The following PLCB4 variants were observed in gnomAD, a reference collection of about 807,000 sequenced individuals.
The protein encoded by PLCB4 is phospholipase C beta 4.
PLCB4 carries 77 observed loss-of-function variants against 178.8 expected under a neutral mutation model. The ratio of observed to expected loss-of-function variants is 0.43; its 90% CI spans 0.36 to 0.52. The LOEUF (loss-of-function observed/expected upper bound fraction) is 0.52, where lower values mean the gene tolerates loss of function less well. Among genes scored for constraint, PLCB4 ranks in the 20% least tolerant of loss-of-function variants. The pLI is 0.00. For synonymous variants in PLCB4, 496 were observed against 490.8 expected (o/e 1.01, Z -0.14); for missense variants, 1,024 against 1,453.4 (o/e 0.70, Z 4.80).
At chr20:9,306,981 C>G (rs1289785500) in intron 3 of PLCB4, among the ~76,000 whole-genome samples, 2 of 152,114 alleles carry the variant, frequency 1.3e-5, no homozygotes, top group Non-Finnish European at 2.9e-5. Flanking sequence ...GCGAGTAAGA[C>G]AGGGTTTCAT....
chr20:9,467,672 ATCT>A (rs1209591380), intron 35 of PLCB4, among the ~76,000 whole-genome samples: 1 of 152,122 alleles, frequency 6.6e-6, no homozygotes, highest in African/African-American at 2.4e-5. Context: ...TCTGAGAGTG[ATCT>A]TCTTGTGTCC....
At chr20:9,381,414 C>T (rs13044334) in intron 13 of PLCB4, among the ~76,000 whole-genome samples, 9,469 of 152,086 alleles carry the variant, frequency 0.062, 336 homozygotes, top group African/African-American at 0.079. Context: ...GAGGGCTGAC[C>T]GGGTGCCAAG....
chr20:9,266,311 G>T (rs954615576), intron 3 of PLCB4, among the ~76,000 whole-genome samples: 2 of 152,168 alleles, frequency 1.3e-5, no homozygotes, highest in Non-Finnish European at 2.9e-5. Context: ...TGTTTAACAA[G>T]CTCGCTTGGT....
chr20:9,179,039 T>C lies in PLCB4; in HGVS notation c.-78-38351T>C, dbSNP rs542242020. ...ACCCTTTTGAACTTATGATAAAAAA[T>C]GAAGATAACTTAAAATTGACTTTTG... On this transcript the variant is annotated intron_variant, in intron 2 of 39. Transcript: ENST00000378473. 5.9e-5 allele frequency among the ~76,000 whole-genome samples: 9 copies of C among 152,308 alleles called. No homozygotes were observed. In the East Asian group the frequency reaches 1.7e-3, roughly 29 times the overall value.
chr20:9,456,664 A>G (rs906504939), intron 33 of PLCB4, among the ~76,000 whole-genome samples: 2 of 152,202 alleles, frequency 1.3e-5, no homozygotes, highest in Non-Finnish European at 1.5e-5. Context: ...AGAAGAGAGA[A>G]GAAACTTGCT....
At chr20:9,175,085 T>C (rs190625540) in intron 2 of PLCB4, among the ~76,000 whole-genome samples, 73 of 152,322 alleles carry the variant, frequency 4.8e-4, no homozygotes, top group African/African-American at 1.7e-3. Context: ...GTATACAGCA[T>C]TGGTTGTCAC....
chr20:9,379,876 T>G (rs2036993006), intron 12 of PLCB4, among the ~76,000 whole-genome samples, 178 bp from the exon 13 acceptor site: 1 of 152,108 alleles, frequency 6.6e-6, no homozygotes, highest in Admixed American at 6.5e-5. Context: ...TATTCCCAAA[T>G]GTGGACTTTT....
At chr20:9,389,827 C>T in intron 15 of PLCB4, 52 bp from the exon 16 acceptor site, 1 of 942,772 alleles carries the variant, frequency 1.1e-6, no homozygotes, top group South Asian at 1.4e-5. Context: ...GTTTTGGGTG[C>T]CTTAATTTTT....
At chr20:9,233,712 AT>A (rs2093960248) in intron 3 of PLCB4, among the ~76,000 whole-genome samples, 1 of 152,190 alleles carries the variant, frequency 6.6e-6, no homozygotes, top group Non-Finnish European at 1.5e-5. Flanking sequence ...AGAAGAACTT[AT>A]GTTTAACTAA....
chr20:9,269,041 G>T (rs1601528200), intron 3 of PLCB4, among the ~76,000 whole-genome samples: 1 of 152,292 alleles, frequency 6.6e-6, no homozygotes, highest in East Asian at 1.9e-4. Context: ...GTGCAGCAAT[G>T]CAGGTCACAT....
chr20:9,300,846 G>C (rs920287548), intron 3 of PLCB4, among the ~76,000 whole-genome samples: 11 of 151,984 alleles, frequency 7.2e-5, no homozygotes, highest in Admixed American at 2.0e-4. Flanking sequence ...CCCAATATAT[G>C]CATTTTCTGG....
In PLCB4 at chr20:9,155,300, A is replaced by G. The variant is rs150186283; in HGVS notation, c.-79+58958A>G. Among the ~76,000 whole-genome samples the G allele has an allele frequency of 1.1e-3, 171 of 152,226 alleles. 1 individual carries two copies. The highest frequency in any genetic ancestry group is 1.9e-3 in the Non-Finnish European group (131 of 68,006). ...TTATTTTGTTCCTTTTAATGGCTGA[A>G]TAGTATTCCATGGTGTATATGTACC... On this transcript the variant is annotated intron_variant, in intron 2 of 39. Transcript: ENST00000378473.
At chr20:9,122,831 C>A (rs2092002509) in intron 2 of PLCB4, among the ~76,000 whole-genome samples, 1 of 152,002 alleles carries the variant, frequency 6.6e-6, no homozygotes, top group African/African-American at 2.4e-5. Flanking sequence ...GTTAAAGGGA[C>A]CATTGGGCTT....
chr20:9,264,668 CT>C (rs2094331291), intron 3 of PLCB4, among the ~76,000 whole-genome samples: 2 of 152,132 alleles, frequency 1.3e-5, no homozygotes, highest in Admixed American at 1.3e-4. Context: ...ATGTAATGTC[CT>C]TTTCTTGAAT....
intron 3 of PLCB4, among the ~76,000 whole-genome samples, chr20:9,272,353 A>G (rs916704192): frequency 6.6e-6 from 1 of 152,100 alleles, no homozygotes; most frequent in African/African-American, 2.4e-5. Flanking sequence ...AAAACATTAC[A>G]TGTGCTTTAG....
chr20:9,128,475 G>C (rs549299315), intron 2 of PLCB4, among the ~76,000 whole-genome samples: 26 of 152,212 alleles, frequency 1.7e-4, no homozygotes, highest in African/African-American at 6.3e-4. Context: ...GGAGTGCAGT[G>C]GCGCAGTCTT....
Position 9,133,602 on chromosome 20 carries a change from C to A in PLCB4, c.-79+37260C>A, listed in dbSNP as rs936192075. Among the ~76,000 whole-genome samples the A allele has an allele frequency of 1.4e-4, 22 of 152,140 alleles. 1 individual carries two copies. Among genetic ancestry groups the A allele is most frequent in the African/African-American group, 5.3e-4 (22 of 41,436 alleles). Reference sequence around the variant, plus strand: ...TTTTAAAATCTGTTGTCCCTACAAGCTTGTGAGTTCAGGGTGAGCTAGCAC... The same window carrying A: ...TTTTAAAATCTGTTGTCCCTACAAGATTGTGAGTTCAGGGTGAGCTAGCAC... On this transcript the variant is annotated intron_variant, in intron 2 of 39. Transcript: ENST00000378473.
At chr20:9,126,163 C>A (rs1256017315) in intron 2 of PLCB4, among the ~76,000 whole-genome samples, 2 of 152,094 alleles carry the variant, frequency 1.3e-5, no homozygotes, top group Non-Finnish European at 2.9e-5. Context: ...ATTTTGAATG[C>A]TATACTCTAC....
At chr20:9,383,815 G>A (rs1338520594) in intron 13 of PLCB4, among the ~76,000 whole-genome samples, 3 of 152,046 alleles carry the variant, frequency 2.0e-5, no homozygotes, top group Non-Finnish European at 4.4e-5. Context: ...AGTCAGATAG[G>A]TCCAGTCTTT....
Sources: allele counts gnomAD v4.1 joint callset (sites outside exome capture counted in the v4.1 genomes callset), GRCh38; gene constraint gnomAD v4.1.1; transcripts MANE v1.5; gene names NCBI Gene and HGNC (gene_info 2026-07-23, HGNC 2026-07-21).